Variants in SLC6A5 observed in about 807,000 individuals in gnomAD.
The protein encoded by SLC6A5 is sodium- and chloride-dependent glycine transporter 2.
A neutral mutation model predicts 90.5 loss-of-function variants in SLC6A5; 58 were observed. That is an observed-to-expected ratio of 0.64 (90% CI 0.52 to 0.80). The LOEUF is 0.80. Ranked by LOEUF, SLC6A5 falls within the 30% of genes least tolerant of loss-of-function variation. The pLI is 0.00. For missense variants in SLC6A5, 1,015 were observed against 1,017.6 expected (o/e 1.00, Z 0.03); for synonymous variants, 427 against 401.4 (o/e 1.06, Z -0.76).
chr11:20,618,660 G>A (rs1323989849), intron 7 of SLC6A5, among the ~76,000 whole-genome samples: 5 of 152,026 alleles, frequency 3.3e-5, no homozygotes, highest in Non-Finnish European at 5.9e-5. Flanking sequence ...CTGAAGGTTG[G>A]GTGCAGTGGC....
In SLC6A5 at chr11:20,657,314, T is replaced by C. The variant is rs1179461701; in HGVS notation, c.*2446T>C. The C allele has an allele frequency of 6.6e-6, 1 of 152,208 alleles. No individual in the cohort carries two copies. The highest frequency in any genetic ancestry group is 1.9e-4 in the East Asian group (1 of 5,192). The allele number at this position is 152,208 out of a possible 1,614,324, so 9.4% of individuals were successfully genotyped here. A position where few individuals can be genotyped will look rare whatever the true frequency, so the allele number is the denominator to read the frequency against. Reference sequence around the variant, plus strand: ...GAGACCTCATCACTAGCTGCATGTTTTGGATTTGGGGGCATTTACATTTGT... The same window carrying C: ...GAGACCTCATCACTAGCTGCATGTTCTGGATTTGGGGGCATTTACATTTGT... On this transcript the variant is annotated 3_prime_UTR_variant, in exon 16 of 16. Transcript: ENST00000525748.
chr11:20,633,102 G>C (rs753714197), intron 10 of SLC6A5, among the ~76,000 whole-genome samples: 1 of 152,126 alleles, frequency 6.6e-6, no homozygotes, highest in Non-Finnish European at 1.5e-5. Flanking sequence ...TAGCCCTTCA[G>C]AGCCATCTCG....
intron 14 of SLC6A5, 26 bp from the exon 15 acceptor site, chr11:20,652,263 C>A (rs1352881706): frequency 6.2e-7 from 1 of 1,612,574 alleles, no homozygotes; most frequent in Non-Finnish European, 8.5e-7. Context: ...ACCACCCTAA[C>A]ACGTGTGTCA....
intron 7 of SLC6A5, among the ~76,000 whole-genome samples, chr11:20,623,764 C>T (rs1316750438): frequency 6.6e-6 from 1 of 152,070 alleles, no homozygotes; most frequent in Non-Finnish European, 1.5e-5. Context: ...TTCTTAGGGC[C>T]ATGATTCCAA....
chr11:20,620,037 C>T (rs779402934), intron 7 of SLC6A5, among the ~76,000 whole-genome samples: 1 of 152,198 alleles, frequency 6.6e-6, no homozygotes, highest in Non-Finnish European at 1.5e-5. Flanking sequence ...GTTTCATCAT[C>T]TCCAAAGGGC....
chr11:20,649,116 G>A (rs117650226), intron 14 of SLC6A5, among the ~76,000 whole-genome samples: 2,531 of 152,292 alleles, frequency 0.017, 33 homozygotes, highest in Middle Eastern at 0.027. Context: ...TCATTTTTGT[G>A]AGCAGAATGT....
At chr11:20,604,594 G>T (rs552974996) in intron 3 of SLC6A5, among the ~76,000 whole-genome samples, 170 bp downstream of exon 3, 2 of 152,168 alleles carry the variant, frequency 1.3e-5, no homozygotes, top group Non-Finnish European at 2.9e-5. Context: ...GGGCGGGGGC[G>T]ACCATAATCG....
At chr11:20,638,433 T>G in intron 12 of SLC6A5, 26 bp from the exon 13 acceptor site, 4 of 1,390,826 alleles carry the variant, frequency 2.9e-6, no homozygotes, top group Non-Finnish European at 4.1e-6. Context: ...ACGCATTTGA[T>G]ATTGGTTGTT....
intron 8 of SLC6A5, 63 bp downstream of exon 8, chr11:20,626,905 A>G (rs1853008138): frequency 1.4e-6 from 2 of 1,438,712 alleles, no homozygotes; most frequent in Admixed American, 3.3e-5. Flanking sequence ...GGCTTGGGCA[A>G]AAAGGGTTAG....
Position 20,654,942 on chromosome 11 carries a change from T to G in SLC6A5, c.*74T>G. 7.0e-7 allele frequency: 1 copy of G among 1,438,038 alleles called. No individual in the cohort carries two copies. The highest frequency in any genetic ancestry group is 9.8e-7 in the Non-Finnish European group (1 of 1,019,498). 89.1% of individuals were successfully genotyped at this position (1,438,038 alleles called of 1,614,324 possible). On this transcript the variant is annotated 3_prime_UTR_variant, in exon 16 of 16. Transcript: ENST00000525748. The stretch of plus-strand genomic sequence containing the variant: ...CTCCTCCTAATGTTTTCCATAGCTC[T>G]CCTCCCATTTTTCTTCATCTTTCTT...
chr11:20,603,489 G>T (rs1590153466), intron 2 of SLC6A5, among the ~76,000 whole-genome samples: 1 of 152,306 alleles, frequency 6.6e-6, no homozygotes, highest in East Asian at 1.9e-4. Flanking sequence ...AGACACGGAG[G>T]TTCAGAGAGA....
intron 8 of SLC6A5, among the ~76,000 whole-genome samples, chr11:20,627,395 C>T (rs1224709963): frequency 6.6e-6 from 1 of 152,166 alleles, no homozygotes; most frequent in East Asian, 1.9e-4. Flanking sequence ...ACTGAATTTT[C>T]TCACCTTAAA....
chr11:20,604,975 C>T (rs1034804717), intron 3 of SLC6A5, among the ~76,000 whole-genome samples: 1 of 152,150 alleles, frequency 6.6e-6, no homozygotes, highest in African/African-American at 2.4e-5. Context: ...AATCTTACAG[C>T]GAAAACAAGT....
At chr11:20,631,936 G>T (rs1853116747) in intron 10 of SLC6A5, among the ~76,000 whole-genome samples, 1 of 152,170 alleles carries the variant, frequency 6.6e-6, no homozygotes, top group Admixed American at 6.5e-5. Context: ...TGGTGCACCA[G>T]GGGCCTCAAA....
At position 20,651,217 on chromosome 11, in the gene SLC6A5, C is replaced by T. The variant is rs1853524930; in HGVS notation, c.2071-1072C>T. On this transcript the variant is annotated intron_variant, in intron 14 of 15. Coordinates refer to ENST00000525748, the MANE Select transcript of SLC6A5 (RefSeq NM_004211.5). ...TTTCCCCTCCCTCCCCTTCCCTTCC[C>T]TCCACCCCCCACCCCTCTTGCCCTC... Among the ~76,000 whole-genome samples the T allele has an allele frequency of 1.5e-5, 2 of 129,722 alleles. 1 individual carries two copies. Among genetic ancestry groups the T allele is most frequent in the Middle Eastern group, 7.8e-3 (2 of 258 alleles). The allele number at this position is 129,722 out of a possible 152,430, so 85.1% of individuals were successfully genotyped here. A position where few individuals can be genotyped will look rare whatever the true frequency, so the allele number is the denominator to read the frequency against.
chr11:20,651,689 C>T (rs532647246), intron 14 of SLC6A5, among the ~76,000 whole-genome samples: 1 of 151,746 alleles, frequency 6.6e-6, no homozygotes, highest in South Asian at 2.1e-4. Context: ...GGGCAGATCA[C>T]CTGAGGTCAG....
In SLC6A5 at chr11:20,656,725, C is replaced by G. The variant is rs931787193; in HGVS notation, c.*1857C>G. On this transcript the variant is annotated 3_prime_UTR_variant, in exon 16 of 16. Transcript: ENST00000525748. ...GTCTGCAGTGTATATTTGTTCTCCCCTCTCCTTCTCCTCCTTTCCCCCCTT... is the reference window on the plus strand; with the variant it reads ...GTCTGCAGTGTATATTTGTTCTCCCGTCTCCTTCTCCTCCTTTCCCCCCTT... The G allele has an allele frequency of 2.0e-5, 3 of 152,118 alleles. No individual in the cohort carries two copies. The highest frequency in any genetic ancestry group is 7.2e-5 in the African/African-American group (3 of 41,396). The allele number at this position is 152,118 out of a possible 1,614,324, so 9.4% of individuals were successfully genotyped here.
rs563708600 is a variant in SLC6A5 at position 20,601,500 on chromosome 11, G to C, written c.375G>C (p.Leu125=). The stretch of plus-strand genomic sequence containing the variant: ...CGCTGCACTGTAAGATCCCTTTTCT[G>C]CGAGGCCCGGAGGGGGATGCGAACG... ...GNALHCKIPF[L]RGPEGDANVS... The change falls in exon 2 of 16, where the codon CTG becomes CTC. Residue 125 remains leucine (L), a synonymous_variant. Transcript: ENST00000525748. 1.2e-6 allele frequency: 2 copies of C among 1,613,774 alleles called. No homozygotes were observed. Among genetic ancestry groups the C allele is most frequent in the Admixed American group, 1.7e-5 (1 of 59,968 alleles).
At chr11:20,603,507 G>C (rs545181706) in intron 2 of SLC6A5, among the ~76,000 whole-genome samples, 30 of 152,304 alleles carry the variant, frequency 2.0e-4, no homozygotes, top group Middle Eastern at 3.4e-3. Context: ...AGAGCAAGTG[G>C]CTTGCCTGGG....
Sources: allele counts gnomAD v4.1 joint callset (sites outside exome capture counted in the v4.1 genomes callset), GRCh38; gene constraint gnomAD v4.1.1; transcripts MANE v1.5; gene names NCBI Gene and HGNC (gene_info 2026-07-23, HGNC 2026-07-21).